The following TMLHE variants were observed in gnomAD, a reference collection of about 807,000 sequenced individuals.
TMLHE encodes the protein trimethyllysine dioxygenase, mitochondrial.
In TMLHE, 18 loss-of-function variants were observed where a neutral mutation model predicts 25.7. That is an observed-to-expected ratio of 0.70 (90% CI 0.48 to 1.04). The LOEUF (loss-of-function observed/expected upper bound fraction) is 1.04. Among genes scored for constraint, TMLHE ranks in the 50% least tolerant of loss-of-function variants. The pLI, the probability that TMLHE is intolerant of heterozygous loss-of-function variation, is 0.00. For synonymous variants in TMLHE, 105 were observed against 97.0 expected (o/e 1.08, Z -0.49); for missense variants, 236 against 259.0 (o/e 0.91, Z 0.61).
chrX:155,547,092 C>G (rs1246849692), intron 1 of TMLHE, among the ~76,000 whole-genome samples: 7 of 111,373 alleles, frequency 6.3e-5, no homozygotes, highest in Non-Finnish European at 1.1e-4. Context: ...CAAAAATCTA[C>G]TCTTAAGTAT....
intron 2 of TMLHE, among the ~76,000 whole-genome samples, chrX:155,538,916 T>A (rs937215436): frequency 1.3e-4 from 14 of 111,081 alleles, no homozygotes; most frequent in African/African-American, 3.9e-4. Flanking sequence ...AGGAGTGCCA[T>A]CAGCAAGATG....
chrX:155,582,062 A>G (rs2067632673), intron 1 of TMLHE, among the ~76,000 whole-genome samples: 1 of 112,348 alleles, frequency 8.9e-6, no homozygotes, highest in African/African-American at 3.2e-5. Context: ...TGACAAATAC[A>G]AGAAATGGGG....
Position 155,555,017 on chromosome X carries a change from G to A in TMLHE, c.-1-9740C>T, listed in dbSNP as rs2067440020. ...ATTTACATTAGGTATTTCTCCTAAT[G>A]CTATCCCTTCCCCAGCTCCCCACCC... On this transcript the variant is annotated intron_variant, in intron 1 of 7. Coordinates refer to ENST00000334398, the MANE Select transcript of TMLHE (RefSeq NM_018196.4). Among the ~76,000 whole-genome samples the A allele has an allele frequency of 1.8e-5, 2 of 109,701 alleles. 1 individual carries two copies. Among genetic ancestry groups the A allele is most frequent in the African/African-American group, 6.7e-5 (2 of 29,850 alleles).
intron 6 of TMLHE, among the ~76,000 whole-genome samples, chrX:155,506,491 T>G (rs183921710): frequency 9.0e-6 from 1 of 111,532 alleles, no homozygotes; most frequent in Non-Finnish European, 1.9e-5. Flanking sequence ...ATGATATGTT[T>G]TATATTCTAC....
rs144493076 is a variant in TMLHE at position 155,508,515 on chromosome X, C to T, written c.759-1381G>A. 4.5e-5 allele frequency among the ~76,000 whole-genome samples: 5 copies of T among 110,168 alleles called. No individual in the cohort carries two copies. The East Asian group carries it at 1.1e-3, about 25-fold the overall frequency. On this transcript the variant is annotated intron_variant, in intron 5 of 7. Transcript: ENST00000334398. ...CTAAAGCCAAGAGCATGGAAGAGGTCGTTTGGAGAGATCATTTCAAGTAAG... is the reference window on the plus strand; with the variant it reads ...CTAAAGCCAAGAGCATGGAAGAGGTTGTTTGGAGAGATCATTTCAAGTAAG...
chrX:155,600,252 C>T (rs978104325), intron 1 of TMLHE, among the ~76,000 whole-genome samples: 2 of 111,461 alleles, frequency 1.8e-5, no homozygotes, highest in South Asian at 3.7e-4. Context: ...ACATTCATGG[C>T]GATCAATGTA....
chrX:155,610,417 T>C (rs2067811991), intron 1 of TMLHE, among the ~76,000 whole-genome samples: 1 of 112,124 alleles, frequency 8.9e-6, no homozygotes, highest in African/African-American at 3.2e-5. Flanking sequence ...GTAGTGATGG[T>C]TGCACCACCC....
chrX:155,530,219 C>A (rs2067241777), intron 2 of TMLHE, among the ~76,000 whole-genome samples: 1 of 111,671 alleles, frequency 9.0e-6, no homozygotes, highest in South Asian at 3.7e-4. Context: ...TATATATAGA[C>A]AATGGAATAT....
chrX:155,611,918 A>G (rs1557348383), intron 1 of TMLHE, among the ~76,000 whole-genome samples: 1 of 111,678 alleles, frequency 9.0e-6, no homozygotes, highest in Non-Finnish European at 1.9e-5. Context: ...AGCAACTCTA[A>G]AAGACTACTA....
intron 1 of TMLHE, among the ~76,000 whole-genome samples, chrX:155,605,449 A>C (rs2067781274): frequency 8.9e-6 from 1 of 111,801 alleles, no homozygotes. Context: ...CAGCATTCTT[A>C]AAGAAAAGAA....
intron 2 of TMLHE, among the ~76,000 whole-genome samples, chrX:155,533,986 A>T (rs782077053): frequency 5.4e-5 from 6 of 111,848 alleles, no homozygotes; most frequent in Non-Finnish European, 1.1e-4. Context: ...TGTTTGAAAG[A>T]GAATACTAAG....
chrX:155,523,773 T>C (rs2067202635), intron 3 of TMLHE, among the ~76,000 whole-genome samples: 2 of 112,442 alleles, frequency 1.8e-5, no homozygotes, highest in African/African-American at 6.4e-5. Context: ...TGTTGAGTCT[T>C]CCAATCCATG....
At chrX:155,573,234 G>A (rs1557343427) in intron 1 of TMLHE, among the ~76,000 whole-genome samples, 1 of 58,276 alleles carries the variant, frequency 1.7e-5, no homozygotes, top group African/African-American at 4.1e-5. Context: ...ATGAAAAAAT[G>A]CTCACCATCA....
At chrX:155,540,531 A>C (rs1294521039) in intron 2 of TMLHE, among the ~76,000 whole-genome samples, 2 of 111,282 alleles carry the variant, frequency 1.8e-5, no homozygotes, top group Non-Finnish European at 3.8e-5. Flanking sequence ...CCCACAAGAA[A>C]TGCTAAAGGG....
intron 5 of TMLHE, among the ~76,000 whole-genome samples, chrX:155,508,345 C>T (rs1013441088): frequency 1.8e-5 from 2 of 110,867 alleles, no homozygotes; most frequent in Non-Finnish European, 3.8e-5. Flanking sequence ...AAATCAAGGA[C>T]AATCTAATAT....
intron 1 of TMLHE, among the ~76,000 whole-genome samples, chrX:155,574,983 C>T (rs186987171): frequency 8.9e-6 from 1 of 111,752 alleles, no homozygotes; most frequent in East Asian, 2.8e-4. Flanking sequence ...AACACAACAA[C>T]CTGTATTAGT....
At chrX:155,551,809 T>C (rs1557340104) in intron 1 of TMLHE, among the ~76,000 whole-genome samples, 2 of 110,467 alleles carry the variant, frequency 1.8e-5, no homozygotes, top group African/African-American at 3.4e-5. Flanking sequence ...CTCCTTATTA[T>C]GACTATTTAT....
At chrX:155,547,479 T>C (rs1464358116) in intron 1 of TMLHE, among the ~76,000 whole-genome samples, 1 of 111,442 alleles carries the variant, frequency 9.0e-6, no homozygotes, top group Non-Finnish European at 1.9e-5. Context: ...GATACAAACA[T>C]AAATAAATCA....
chrX:155,510,834 C>G (rs2124329185), intron 5 of TMLHE, among the ~76,000 whole-genome samples: 1 of 105,594 alleles, frequency 9.5e-6, no homozygotes, highest in South Asian at 4.6e-4. Flanking sequence ...CACTGACTTC[C>G]ACAATGGTTG....
Sources: gnomAD v4.1 joint callset for allele counts (sites outside exome capture counted in the v4.1 genomes callset) on GRCh38, gnomAD v4.1.1 for gene constraint, MANE v1.5 for transcripts, NCBI Gene and HGNC (gene_info 2026-07-23, HGNC 2026-07-21) for gene names.